NDST4: variants seen among roughly 807,000 people sequenced by gnomAD.
NDST4 encodes N-deacetylase and N-sulfotransferase 4.
NDST4 carries 63 observed loss-of-function variants against 100.8 expected under a neutral mutation model. That is an observed-to-expected ratio of 0.62 (90% confidence interval 0.51 to 0.77). The LOEUF (loss-of-function observed/expected upper bound fraction) is 0.77, where lower values mean the gene tolerates loss of function less well. Ranked by LOEUF, NDST4 falls within the 30% of genes least tolerant of loss-of-function variation. NDST4 has a pLI of 0.00. For synonymous variants in NDST4, 377 were observed against 361.8 expected (o/e 1.04, Z -0.48); for missense variants, 943 against 1,018.4 (o/e 0.93, Z 1.01).
chr4:114,960,773 G>C (rs1184456587), intron 4 of NDST4, among the ~76,000 whole-genome samples: 8 of 152,098 alleles, frequency 5.3e-5, no homozygotes, highest in Non-Finnish European at 1.2e-4. Context: ...CCATATTGAA[G>C]TAAGGAAGTA....
intron 2 of NDST4, among the ~76,000 whole-genome samples, chr4:115,001,937 G>A (rs190449457): frequency 1.8e-4 from 28 of 152,248 alleles, no homozygotes; most frequent in Admixed American, 1.4e-3. Flanking sequence ...ACCCTACTCC[G>A]TTACTTATAA....
At chr4:114,867,666 A>AAAAAAAAAAAAAAAAAAAAAAAAG (rs1560786342) in intron 7 of NDST4, among the ~76,000 whole-genome samples, 4 of 16,892 alleles carry the variant, frequency 2.4e-4, no homozygotes, top group African/African-American at 7.0e-4. Flanking sequence ...AAAAAAAAGC[A>AAAAAAAAAAAAAAAAAAAAAAAAG]AAAAAAAAAA....
intron 4 of NDST4, among the ~76,000 whole-genome samples, chr4:114,940,229 A>G (rs1725719494): frequency 2.0e-5 from 3 of 152,200 alleles, no homozygotes; most frequent in Admixed American, 1.3e-4. Context: ...TACCACAAAT[A>G]TTCAGAGGGG....
At chr4:115,071,010 C>T (rs988158324) in intron 2 of NDST4, among the ~76,000 whole-genome samples, 8 of 151,808 alleles carry the variant, frequency 5.3e-5, no homozygotes, top group Admixed American at 3.3e-4. Flanking sequence ...GAGGCTGAGG[C>T]AGGAGAATTG....
chr4:115,021,278 GTATTCCACATATACATATTCCATATATA>G (rs1382616604), intron 2 of NDST4, among the ~76,000 whole-genome samples: 1 of 134,064 alleles, frequency 7.5e-6, no homozygotes, highest in African/African-American at 2.9e-5. Context: ...TTCCACATGT[GTATTCCACATATACATATTCCATATATA>G]TATTCCACAT....
At chr4:114,865,480 A>T (rs530400673) in intron 7 of NDST4, among the ~76,000 whole-genome samples, 1 of 152,172 alleles carries the variant, frequency 6.6e-6, no homozygotes, top group East Asian at 1.9e-4. Flanking sequence ...AATGAACTGT[A>T]TTTTTAAACT....
At chr4:114,958,186 C>G (rs1172613151) in intron 4 of NDST4, among the ~76,000 whole-genome samples, 1 of 152,196 alleles carries the variant, frequency 6.6e-6, no homozygotes, top group Non-Finnish European at 1.5e-5. Flanking sequence ...CACACCTCAG[C>G]GTGGACATCC....
chr4:114,895,254 GAA>G (rs1165052447), intron 6 of NDST4, among the ~76,000 whole-genome samples: 3 of 151,950 alleles, frequency 2.0e-5, no homozygotes, highest in Non-Finnish European at 4.4e-5. Context: ...TAAGAAAGAA[GAA>G]GAGAGAGAAG....
rs747198350 is a variant in NDST4, at chr4:115,076,164, C to G, written c.873G>C (p.Leu291Phe). ...KLIFIDAISF[L>F]SGKRLTLSLD... Reference sequence around the variant, plus strand: ...AGGACAATGTCAGCCTCTTCCCTGACAAGAAGGAGATGGCATCTATGAAGA... The same window carrying G: ...AGGACAATGTCAGCCTCTTCCCTGAGAAGAAGGAGATGGCATCTATGAAGA... Residue 291 changes from leucine to phenylalanine, a missense_variant, in exon 2 of 14, where the codon TTG (leucine) becomes TTC (phenylalanine). Transcript: ENST00000264363. The G allele has an allele frequency of 5.0e-6, 8 of 1,613,810 alleles. No individual in the cohort carries two copies. In the African/African-American group the frequency reaches 8.0e-5, roughly 16 times the overall value.
intron 2 of NDST4, among the ~76,000 whole-genome samples, chr4:115,007,044 C>T (rs1431473990): frequency 6.6e-6 from 1 of 152,112 alleles, no homozygotes; most frequent in African/African-American, 2.4e-5. Context: ...AAGCATTCAG[C>T]CTCAGGGCTT....
At chr4:114,982,045 C>T (rs995919731) in intron 2 of NDST4, among the ~76,000 whole-genome samples, 46 of 152,242 alleles carry the variant, frequency 3.0e-4, no homozygotes, top group African/African-American at 1.0e-3. Flanking sequence ...TCTCTCTCTT[C>T]CTGTGAGTCA....
At chr4:115,078,450 T>C (rs1729235471) in intron 1 of NDST4, among the ~76,000 whole-genome samples, 1 of 152,106 alleles carries the variant, frequency 6.6e-6, no homozygotes, top group Non-Finnish European at 1.5e-5. Flanking sequence ...ATGAGGAACT[T>C]ATTGGGGACT....
At chr4:114,915,101 G>T (rs1725142113) in intron 6 of NDST4, among the ~76,000 whole-genome samples, 1 of 152,108 alleles carries the variant, frequency 6.6e-6, no homozygotes, top group South Asian at 2.1e-4. Context: ...ACAACTAAAA[G>T]CAAAGTCCTT....
At chr4:115,060,883 C>A (rs1430309418) in intron 2 of NDST4, among the ~76,000 whole-genome samples, 2 of 151,868 alleles carry the variant, frequency 1.3e-5, no homozygotes, top group East Asian at 1.9e-4. Context: ...AGCTAATTTT[C>A]TTCTTTCAAT....
chr4:115,080,818 CA>C (rs1249011974), intron 1 of NDST4, among the ~76,000 whole-genome samples: 14 of 151,966 alleles, frequency 9.2e-5, no homozygotes, highest in Non-Finnish European at 7.4e-5. Flanking sequence ...TCTATTTAAA[CA>C]AATGTAAAAT....
chr4:114,871,054 G>A, intron 6 of NDST4, 104 bp from the exon 7 acceptor site: 1 of 663,382 alleles, frequency 1.5e-6, no homozygotes, highest in African/African-American at 1.9e-5. Flanking sequence ...AATTTCACAA[G>A]AAGTACAATG....
chr4:114,889,521 G>A (rs1362284342), intron 6 of NDST4, among the ~76,000 whole-genome samples: 2 of 152,154 alleles, frequency 1.3e-5, no homozygotes, highest in African/African-American at 4.8e-5. Context: ...TTCACATTAG[G>A]TAATAAAGTG....
chr4:114,963,731 G>T (rs12507013), intron 4 of NDST4, among the ~76,000 whole-genome samples: 67,892 of 152,000 alleles, frequency 0.45, 16,739 homozygotes, highest in Non-Finnish European at 0.58. Context: ...AAAGGTAATA[G>T]ATGAATTCAA....
intron 7 of NDST4, among the ~76,000 whole-genome samples, chr4:114,865,328 G>T (rs1724004946): frequency 6.6e-6 from 1 of 152,084 alleles, no homozygotes; most frequent in Non-Finnish European, 1.5e-5. Flanking sequence ...CTCCCAAAGT[G>T]CCGGGATTAT....
Sources: gnomAD v4.1 joint callset for allele counts (sites outside exome capture counted in the v4.1 genomes callset) on GRCh38, gnomAD v4.1.1 for gene constraint, MANE v1.5 for transcripts, NCBI Gene and HGNC (gene_info 2026-07-23, HGNC 2026-07-21) for gene names.